The following CSMD1 variants were observed in gnomAD, a reference collection of about 807,000 sequenced individuals.
The protein encoded by CSMD1 is CUB and sushi domain-containing protein 1.
A neutral mutation model predicts 417.5 loss-of-function variants in CSMD1; 213 were observed. The ratio of observed to expected loss-of-function variants is 0.51; its 90% CI spans 0.46 to 0.57. The LOEUF (loss-of-function observed/expected upper bound fraction) is 0.57, where lower values mean the gene tolerates loss of function less well. Ranked by LOEUF, CSMD1 falls within the 20% of genes least tolerant of loss-of-function variation. CSMD1 has a pLI of 0.00. For missense variants in CSMD1, 6,923 were observed against 4,529.7 expected (o/e 1.53, Z -15.17); for synonymous variants, 2,862 against 1,736.8 (o/e 1.65, Z -16.11).
At chr8:3,844,246 G>A (rs933842509) in intron 5 of CSMD1, among the ~76,000 whole-genome samples, 1 of 152,274 alleles carries the variant, frequency 6.6e-6, no homozygotes, top group Admixed American at 6.5e-5. Context: ...TCTCTGTTGA[G>A]AGCAAGTTCC....
intron 46 of CSMD1, among the ~76,000 whole-genome samples, chr8:3,101,799 CTTTTTTT>C (rs530061255): frequency 9.4e-6 from 1 of 106,358 alleles, no homozygotes; most frequent in Admixed American, 1.1e-4. Context: ...CTTTCTTTTT[CTTTTTTT>C]TTTTTTTTTT....
At chr8:4,538,092 G>C (rs574855597) in intron 2 of CSMD1, among the ~76,000 whole-genome samples, 1 of 151,846 alleles carries the variant, frequency 6.6e-6, no homozygotes, top group East Asian at 1.9e-4. Flanking sequence ...TTCTTGCTAG[G>C]TATCAATAAA....
rs756667290 is a variant in CSMD1, at chr8:3,377,285, T to C, written c.2783-7915A>G. 7.9e-5 allele frequency among the ~76,000 whole-genome samples: 12 copies of C among 152,202 alleles called. 1 individual carries two copies. The highest frequency in any genetic ancestry group is 1.5e-4 in the Non-Finnish European group (10 of 68,044). On this transcript the variant is annotated intron_variant, in intron 18 of 69. Coordinates refer to ENST00000635120, the MANE Select transcript of CSMD1 (RefSeq NM_033225.6). ...CCTCAGCCTCCCAATGTGCTAGGATTACAGGCATGAGCCACCATGCCTGGC... is the reference window on the plus strand; with the variant it reads ...CCTCAGCCTCCCAATGTGCTAGGATCACAGGCATGAGCCACCATGCCTGGC...
At chr8:4,088,627 G>C (rs921095668) in intron 3 of CSMD1, among the ~76,000 whole-genome samples, 2 of 152,058 alleles carry the variant, frequency 1.3e-5, no homozygotes, top group Non-Finnish European at 2.9e-5. Context: ...CACCCAACCA[G>C]GTTGAGAGTA....
chr8:4,739,003 A>G (rs1450803532), intron 1 of CSMD1, among the ~76,000 whole-genome samples: 3 of 152,090 alleles, frequency 2.0e-5, no homozygotes, highest in East Asian at 3.9e-4. Context: ...TAAGTCTTCC[A>G]TGCTAAAACA....
chr8:3,602,724 C>T (rs957915785), intron 8 of CSMD1, among the ~76,000 whole-genome samples: 6 of 148,826 alleles, frequency 4.0e-5, no homozygotes, highest in Non-Finnish European at 7.6e-5. Context: ...ATTACACACA[C>T]ACACACACAC....
intron 1 of CSMD1, among the ~76,000 whole-genome samples, chr8:4,884,983 A>G (rs1028978398): frequency 1.3e-5 from 2 of 152,118 alleles, no homozygotes; most frequent in African/African-American, 4.8e-5. Context: ...GAAATTCAGT[A>G]TTTCATCCTA....
chr8:4,181,601 A>T (rs971235684), intron 3 of CSMD1, among the ~76,000 whole-genome samples: 1 of 152,218 alleles, frequency 6.6e-6, no homozygotes, highest in Non-Finnish European at 1.5e-5. Flanking sequence ...AAAGCTTGCT[A>T]TAAGGCTTAA....
At chr8:4,269,752 C>A (rs951824937) in intron 3 of CSMD1, among the ~76,000 whole-genome samples, 1 of 152,154 alleles carries the variant, frequency 6.6e-6, no homozygotes, top group Non-Finnish European at 1.5e-5. Flanking sequence ...TAAAACACTG[C>A]AAAATTACAT....
intron 3 of CSMD1, among the ~76,000 whole-genome samples, chr8:4,415,794 T>G (rs1796900866): frequency 6.6e-6 from 1 of 152,180 alleles, no homozygotes; most frequent in African/African-American, 2.4e-5. Flanking sequence ...TGAGCACACG[T>G]GTTTACATGT....
At chr8:3,169,759 G>A (rs1475143644) in intron 37 of CSMD1, among the ~76,000 whole-genome samples, 2 of 152,152 alleles carry the variant, frequency 1.3e-5, no homozygotes, top group Admixed American at 6.5e-5. Flanking sequence ...ATATAGCACG[G>A]TTTCTTTTCA....
At chr8:3,598,685 G>C (rs1166072345) in intron 8 of CSMD1, among the ~76,000 whole-genome samples, 1 of 152,184 alleles carries the variant, frequency 6.6e-6, no homozygotes, top group Non-Finnish European at 1.5e-5. Flanking sequence ...AGTAGCTGAA[G>C]GGTTGCCTTG....
chr8:4,550,075 A>G (rs572720660), intron 2 of CSMD1, among the ~76,000 whole-genome samples: 5 of 151,834 alleles, frequency 3.3e-5, no homozygotes, highest in East Asian at 3.9e-4. Context: ...GAACACCCCC[A>G]TGTTTGGATA....
At chr8:3,240,425 AGGAGTT>A (rs1214845902) in intron 26 of CSMD1, among the ~76,000 whole-genome samples, 1 of 84,212 alleles carries the variant, frequency 1.2e-5, no homozygotes, top group Non-Finnish European at 3.1e-5. Context: ...TAGGAAGGAA[AGGAGTT>A]GTTGTTTTAT....
At chr8:3,074,235 A>G (rs1813491389) in intron 49 of CSMD1, among the ~76,000 whole-genome samples, 1 of 152,168 alleles carries the variant, frequency 6.6e-6, no homozygotes, top group South Asian at 2.1e-4. Flanking sequence ...TCTCCCTCAC[A>G]TCCAGTCTTT....
chr8:4,534,750 C>A (rs748326592), intron 2 of CSMD1, among the ~76,000 whole-genome samples: 2 of 151,786 alleles, frequency 1.3e-5, no homozygotes, highest in African/African-American at 4.9e-5. Flanking sequence ...CATCCACGTA[C>A]AATTTCTTTC....
intron 3 of CSMD1, among the ~76,000 whole-genome samples, chr8:4,206,273 C>A (rs1035559161): frequency 6.6e-6 from 1 of 151,992 alleles, no homozygotes; most frequent in Admixed American, 6.6e-5. Flanking sequence ...TATACATGTG[C>A]CATGTTGGTG....
intron 2 of CSMD1, among the ~76,000 whole-genome samples, chr8:4,529,004 A>G (rs1000866037): frequency 6.6e-6 from 1 of 152,210 alleles, no homozygotes; most frequent in Non-Finnish European, 1.5e-5. Context: ...TGACGTTTGT[A>G]AAATCATTTT....
At chr8:3,707,847 G>T (rs1801260104) in intron 7 of CSMD1, among the ~76,000 whole-genome samples, 1 of 152,262 alleles carries the variant, frequency 6.6e-6, no homozygotes, top group Non-Finnish European at 1.5e-5. Flanking sequence ...GCACCAAAAT[G>T]GCAGGTGTGG....
Sources: gnomAD v4.1 joint callset for allele counts (sites outside exome capture counted in the v4.1 genomes callset) on GRCh38, gnomAD v4.1.1 for gene constraint, MANE v1.5 for transcripts, NCBI Gene and HGNC (gene_info 2026-07-23, HGNC 2026-07-21) for gene names.